LARP1: variants seen among roughly 807,000 people sequenced by gnomAD.
LARP1 encodes the protein la-related protein 1.
A neutral mutation model predicts 122.7 loss-of-function variants in LARP1; 36 were observed. The ratio of observed to expected loss-of-function variants is 0.29; its 90% confidence interval spans 0.22 to 0.39. The LOEUF is 0.39. Ranked by LOEUF, LARP1 falls within the 10% of genes least tolerant of loss-of-function variation. The pLI, the probability that LARP1 is intolerant of heterozygous loss-of-function variation, is 1.00. For synonymous variants in LARP1, 539 were observed against 528.7 expected (o/e 1.02, Z -0.27); for missense variants, 1,040 against 1,403.6 (o/e 0.74, Z 4.14).
intron 1 of LARP1, among the ~76,000 whole-genome samples, chr5:154,716,888 G>A (rs576242387): frequency 3.3e-5 from 5 of 152,108 alleles, no homozygotes; most frequent in South Asian, 2.1e-4. Context: ...GGCAAACTCC[G>A]ATCTCTACAA....
chr5:154,707,635 G>A (rs1483267339), intron 1 of LARP1, among the ~76,000 whole-genome samples: 1 of 152,120 alleles, frequency 6.6e-6, no homozygotes, highest in Non-Finnish European at 1.5e-5. Flanking sequence ...CCACAGCTGG[G>A]GTGGGGGGGC....
At chr5:154,700,756 C>T (rs938318050) in intron 1 of LARP1, among the ~76,000 whole-genome samples, 15 of 151,626 alleles carry the variant, frequency 9.9e-5, no homozygotes, top group East Asian at 2.0e-4. Flanking sequence ...CCCAAATAGC[C>T]GGGATTACAG....
intron 1 of LARP1, among the ~76,000 whole-genome samples, chr5:154,787,286 C>T (rs1582409439): frequency 1.3e-5 from 2 of 152,160 alleles, no homozygotes; most frequent in Non-Finnish European, 2.9e-5. Flanking sequence ...GAGAATTATC[C>T]CCTGATTTGG....
intron 1 of LARP1, among the ~76,000 whole-genome samples, chr5:154,691,720 G>T (rs1018072325): frequency 1.3e-5 from 2 of 152,148 alleles, no homozygotes; most frequent in Non-Finnish European, 2.9e-5. Context: ...ACCTGATAGC[G>T]CTCCTCGGCA....
chr5:154,713,612 A>G (rs973012101), intron 1 of LARP1, among the ~76,000 whole-genome samples: 1 of 152,122 alleles, frequency 6.6e-6, no homozygotes, highest in African/African-American at 2.4e-5. Flanking sequence ...TTTGTGAGTA[A>G]TTTCCAGGGA....
rs1332254178 is a variant in LARP1, at chr5:154,811,657, C to G, written c.3081+17C>G. ...CGAGTAGATGTAAGTGAAACTCTTT[C>G]TCTAACTCTGCTTGTCCTGGAAAGA... On this transcript the variant is annotated intron_variant, in intron 18 of 18. Transcript: ENST00000518297. 1 of 1,613,982 alleles carries G rather than the reference C, an allele frequency of 6.2e-7. No individual in the cohort carries two copies. Among genetic ancestry groups the G allele is most frequent in the Non-Finnish European group, 8.5e-7 (1 of 1,179,916 alleles).
chr5:154,695,385 A>G (rs1314311386), intron 1 of LARP1, among the ~76,000 whole-genome samples: 1 of 151,954 alleles, frequency 6.6e-6, no homozygotes, highest in East Asian at 1.9e-4. Flanking sequence ...TAATATCACA[A>G]TATGGCTTAT....
intron 3 of LARP1, 111 bp from the exon 4 acceptor site, chr5:154,792,511 G>GC (rs1757423935): frequency 3.3e-6 from 3 of 914,474 alleles, no homozygotes; most frequent in Non-Finnish European, 5.2e-6. Flanking sequence ...CATCCAGCCT[G>GC]CCATTGCATG....
At chr5:154,773,878 A>C (rs181991534) in intron 1 of LARP1, among the ~76,000 whole-genome samples, 1 of 152,304 alleles carries the variant, frequency 6.6e-6, no homozygotes, top group Non-Finnish European at 1.5e-5. Context: ...GGGCCAGAGT[A>C]GTTGCAGAAG....
chr5:154,696,081 G>T (rs1264195899), intron 1 of LARP1, among the ~76,000 whole-genome samples: 1 of 152,094 alleles, frequency 6.6e-6, no homozygotes, highest in Non-Finnish European at 1.5e-5. Context: ...TTGAGGCTGG[G>T]CACGGTGGCT....
chr5:154,774,671 G>C (rs1052339937), intron 1 of LARP1, among the ~76,000 whole-genome samples: 1 of 151,984 alleles, frequency 6.6e-6, no homozygotes, highest in Non-Finnish European at 1.5e-5. Flanking sequence ...AGTTGCTCTG[G>C]GATGTTCTCT....
chr5:154,717,231 G>A (rs1410656245), intron 1 of LARP1, among the ~76,000 whole-genome samples: 1 of 152,024 alleles, frequency 6.6e-6, no homozygotes, highest in African/African-American at 2.4e-5. Flanking sequence ...AACAGGGCTT[G>A]TGACATCTAG....
At chr5:154,786,032 A>G (rs2113744910) in intron 1 of LARP1, among the ~76,000 whole-genome samples, 1 of 152,208 alleles carries the variant, frequency 6.6e-6, no homozygotes. Flanking sequence ...TGCACATAGC[A>G]ATTTTGGTAT....
At chr5:154,760,288 C>T (rs774288943) in intron 1 of LARP1, among the ~76,000 whole-genome samples, 3 of 152,222 alleles carry the variant, frequency 2.0e-5, no homozygotes, top group South Asian at 2.1e-4. Context: ...ATGTGGACAC[C>T]GGCAAACGCT....
chr5:154,756,575 C>G, intron 1 of LARP1: 1 of 869,476 alleles, frequency 1.2e-6, no homozygotes, highest in Non-Finnish European at 1.4e-6. Context: ...TCTTCCCACC[C>G]CGCCCGGCGC....
intron 14 of LARP1, 117 bp downstream of exon 14, chr5:154,804,424 G>A: frequency 1.3e-6 from 1 of 784,576 alleles, no homozygotes; most frequent in Non-Finnish European, 2.1e-6. Flanking sequence ...TCATCTAAGA[G>A]GTTTTCAAAA....
chr5:154,699,173 ACTGTTGTAGTTAAAG>A (rs1333561646), intron 1 of LARP1, among the ~76,000 whole-genome samples: 1 of 152,144 alleles, frequency 6.6e-6, no homozygotes, highest in African/African-American at 2.4e-5. Flanking sequence ...ATTCAGAAGG[ACTGTTGTAGTTAAAG>A]CTCCAGAATA....
In LARP1 at chr5:154,755,871, G is replaced by T; in HGVS notation, c.114G>T (p.Glu38Asp). The T allele has an allele frequency of 9.9e-7, 1 of 1,014,862 alleles. No individual in the cohort carries two copies. Among genetic ancestry groups the T allele is most frequent in the Non-Finnish European group, 1.2e-6 (1 of 847,022 alleles). The allele number at this position is 1,014,862 out of a possible 1,614,324, so 62.9% of individuals were successfully genotyped here. ...CGCCGGCGCCCGAGGGCAAGGGCGA[G>T]CCCGGGCCAAACGACGTCCGCGGGG... Reference protein sequence around the residue: ...KPPPAPEGKGEPGPNDVRGGE... With the variant: ...KPPPAPEGKGDPGPNDVRGGE... The change falls in exon 1 of 19, where the codon GAG (glutamate) becomes GAT (aspartate). Residue 38 changes from glutamate (E) to aspartate (D), a missense_variant. This residue lies in a region of LARP1 where 257 missense variants were observed against 273.3 expected (regional missense o/e 0.94). Transcript: ENST00000518297.
chr5:154,777,472 G>C (rs1373500394), intron 1 of LARP1, among the ~76,000 whole-genome samples: 1 of 152,148 alleles, frequency 6.6e-6, no homozygotes, highest in African/African-American at 2.4e-5. Flanking sequence ...AGTGAGCAGA[G>C]ATCACGCCAC....
Sources: gnomAD v4.1 joint callset for allele counts (sites outside exome capture counted in the v4.1 genomes callset) on GRCh38, gnomAD v4.1.1 for gene constraint, gnomAD v4.1.1 regional missense constraint, MANE v1.5 for transcripts, NCBI Gene and HGNC (gene_info 2026-07-23, HGNC 2026-07-21) for gene names.